Variants in KAZN observed in about 807,000 individuals in gnomAD.
KAZN encodes the protein kazrin.
KAZN carries 40 observed loss-of-function variants against 87.4 expected under a neutral mutation model. The observed-to-expected ratio is 0.46, with a 90% CI of 0.36 to 0.60. The LOEUF (loss-of-function observed/expected upper bound fraction) is 0.60. KAZN is among the 20% of genes least tolerant of loss of function. The pLI is 0.00. For synonymous variants in KAZN, 466 were observed against 458.3 expected (o/e 1.02, Z -0.22); for missense variants, 898 against 1,073.9 (o/e 0.84, Z 2.29).
chr1:14,231,512 A>G (rs970311781), intron 2 of KAZN, among the ~76,000 whole-genome samples: 1 of 152,246 alleles, frequency 6.6e-6, no homozygotes, highest in Non-Finnish European at 1.5e-5. Flanking sequence ...TGTGTTAGAA[A>G]GAGCCAATGA....
chr1:14,760,544 T>G (rs1259765144), intron 1 of KAZN, among the ~76,000 whole-genome samples: 1 of 152,182 alleles, frequency 6.6e-6, no homozygotes, highest in Non-Finnish European at 1.5e-5. Flanking sequence ...CCTCTCTCTC[T>G]CCTTCGTCCC....
intron 1 of KAZN, among the ~76,000 whole-genome samples, chr1:14,764,068 A>T (rs1196859871): frequency 3.3e-5 from 5 of 152,170 alleles, no homozygotes; most frequent in Admixed American, 2.0e-4. Context: ...TTTTAAATTA[A>T]TGTACTTGTT....
At chr1:13,894,777 G>T (rs766470482) in intron 1 of KAZN, among the ~76,000 whole-genome samples, 3 of 152,162 alleles carry the variant, frequency 2.0e-5, no homozygotes, top group Non-Finnish European at 4.4e-5. Flanking sequence ...AAGAGAACTG[G>T]ATTCAGGGCT....
At chr1:15,107,404 A>C (rs1641332841) in intron 13 of KAZN, among the ~76,000 whole-genome samples, 1 of 152,200 alleles carries the variant, frequency 6.6e-6, no homozygotes, top group Non-Finnish European at 1.5e-5. Flanking sequence ...CTGGTTTCAT[A>C]GACAACTAGG....
chr1:14,400,955 T>C lies in KAZN; in HGVS notation c.250-198028T>C, dbSNP rs77573073. On this transcript the variant is annotated intron_variant, in intron 2 of 16. Transcript: ENST00000636203. Reference sequence around the variant, plus strand: ...CAATGATGTTATATAGATATTCATATGACAAATGTGTGCTGGACATCTACT... The same window carrying C: ...CAATGATGTTATATAGATATTCATACGACAAATGTGTGCTGGACATCTACT... Among the ~76,000 whole-genome samples, 1,464 of 152,378 alleles carry C rather than the reference T, an allele frequency of 9.6e-3. 18 individuals are homozygous for C. The highest frequency in any genetic ancestry group is 0.033 in the African/African-American group (1,380 of 41,588).
intron 2 of KAZN, among the ~76,000 whole-genome samples, chr1:14,269,032 A>T (rs1295390997): frequency 2.6e-5 from 4 of 152,254 alleles, no homozygotes. Flanking sequence ...TCTGCCCATT[A>T]TAAAATACAG....
At chr1:13,938,624 C>G (rs74783137) in intron 1 of KAZN, among the ~76,000 whole-genome samples, 4,116 of 152,274 alleles carry the variant, frequency 0.027, 169 homozygotes, top group African/African-American at 0.093. Context: ...ATAATCTTTA[C>G]TAGGGCAGTG....
intron 2 of KAZN, among the ~76,000 whole-genome samples, chr1:14,214,769 T>C (rs182638019): frequency 1.4e-3 from 220 of 152,334 alleles, no homozygotes; most frequent in African/African-American, 4.3e-3. Flanking sequence ...ACAAGATGAT[T>C]TGGATAGTGG....
rs1432842393 is a variant in KAZN, at chr1:14,637,577, TCCAGC to T, written c.226+38355_226+38359del. Among the ~76,000 whole-genome samples, 4 of 152,260 alleles carry T rather than the reference TCCAGC, an allele frequency of 2.6e-5. No homozygotes were observed. In the East Asian group the frequency reaches 7.7e-4, roughly 29 times the overall value. On this transcript the variant is annotated intron_variant, in intron 1 of 14. Coordinates refer to ENST00000376030, the MANE Select transcript of KAZN (RefSeq NM_201628.3). ...CTGGCCCTCTGTAGAGTCGTCTGGT[TCCAGC>T]TACCAAAGATTCTGGTTTAATTACT...
chr1:14,730,195 C>T lies in KAZN; in HGVS notation c.226+130972C>T, dbSNP rs547025433. Among the ~76,000 whole-genome samples, 22 of 152,120 alleles carry T rather than the reference C, an allele frequency of 1.4e-4. No individual in the cohort carries two copies. The South Asian group carries it at 1.9e-3, about 13-fold the overall frequency. On this transcript the variant is annotated intron_variant, in intron 1 of 14. Transcript: ENST00000376030. ...GCCTCCCGGGTTCAAGCGATTCTCC[C>T]GCCTCAGCCTCCTGAGTAGCTGGGA...
At chr1:14,030,332 A>G (rs1477648784) in intron 1 of KAZN, among the ~76,000 whole-genome samples, 1 of 151,366 alleles carries the variant, frequency 6.6e-6, no homozygotes, top group Non-Finnish European at 1.5e-5. Context: ...TCGCAAGAAC[A>G]AAAAACCAAA....
At chr1:15,020,161 C>T (rs1670523751) in intron 2 of KAZN, among the ~76,000 whole-genome samples, 1 of 152,218 alleles carries the variant, frequency 6.6e-6, no homozygotes, top group South Asian at 2.1e-4. Flanking sequence ...TGGGGACCCA[C>T]AGCCCTCCAG....
At chr1:14,644,432 G>T (rs1161655442) in intron 1 of KAZN, among the ~76,000 whole-genome samples, 1 of 151,040 alleles carries the variant, frequency 6.6e-6, no homozygotes, top group Non-Finnish European at 1.5e-5. Context: ...TGTGATCTCG[G>T]CTCACTGCAA....
At position 14,413,499 on chromosome 1, in the gene KAZN, A is replaced by C. The variant is rs181580636; in HGVS notation, c.250-185484A>C. Among the ~76,000 whole-genome samples the C allele has an allele frequency of 8.1e-3, 1,169 of 145,042 alleles. 14 individuals are homozygous for C. Among genetic ancestry groups the C allele is most frequent in the African/African-American group, 0.028 (1,110 of 40,034 alleles). ...CAGTTACTCGGGAGGCTGAGGCAGGAGAATGGCGTGAAACCGGAGGCGGAG... is the reference window on the plus strand; with the variant it reads ...CAGTTACTCGGGAGGCTGAGGCAGGCGAATGGCGTGAAACCGGAGGCGGAG... On this transcript the variant is annotated intron_variant, in intron 2 of 16. Coordinates refer to the KAZN transcript ENST00000636203.
At chr1:14,490,141 T>C (rs1669570942) in intron 2 of KAZN, among the ~76,000 whole-genome samples, 1 of 152,246 alleles carries the variant, frequency 6.6e-6, no homozygotes, top group African/African-American at 2.4e-5. Context: ...ACTTGCCTTG[T>C]TAATTTGTTT....
In KAZN at chr1:14,009,956, A is replaced by G. The variant is rs529189149; in HGVS notation, c.91+116200A>G. Reference sequence around the variant, plus strand: ...GGTGGTTTCCTTAATGGCCAGAAACACACTCTCTCCCACTCCCCTGTTTAC... The same window carrying G: ...GGTGGTTTCCTTAATGGCCAGAAACGCACTCTCTCCCACTCCCCTGTTTAC... On this transcript the variant is annotated intron_variant, in intron 1 of 16. Coordinates refer to the KAZN transcript ENST00000636203. 7.2e-5 allele frequency among the ~76,000 whole-genome samples: 11 copies of G among 152,192 alleles called. No individual in the cohort carries two copies. The South Asian group carries it at 2.1e-3, about 29-fold the overall frequency.
At chr1:14,860,181 A>ATCTC (rs371791757) in intron 1 of KAZN, among the ~76,000 whole-genome samples, 2 of 129,456 alleles carry the variant, frequency 1.5e-5, no homozygotes, top group South Asian at 2.4e-4. Flanking sequence ...CTCTCTCTAG[A>ATCTC]TCTCTCTCTC....
At chr1:14,987,442 C>T (rs899714368) in intron 2 of KAZN, among the ~76,000 whole-genome samples, 3 of 151,944 alleles carry the variant, frequency 2.0e-5, no homozygotes, top group East Asian at 1.9e-4. Flanking sequence ...GGCAGTGAGC[C>T]GAGATTGTGC....
At chr1:13,960,480 A>G (rs1208366897) in intron 1 of KAZN, among the ~76,000 whole-genome samples, 2 of 152,120 alleles carry the variant, frequency 1.3e-5, no homozygotes, top group African/African-American at 2.4e-5. Flanking sequence ...CCGTTTTCCC[A>G]CTTGCCGGGC....
Sources: allele counts gnomAD v4.1 joint callset (sites outside exome capture counted in the v4.1 genomes callset), GRCh38; gene constraint gnomAD v4.1.1; transcripts MANE v1.5; gene names NCBI Gene and HGNC (gene_info 2026-07-23, HGNC 2026-07-21).